WDR64: variants seen among roughly 807,000 people sequenced by gnomAD.
WDR64 encodes the protein WD repeat-containing protein 64.
Under a neutral mutation model 139.3 loss-of-function variants are expected in WDR64, and 112 were observed. The ratio of observed to expected loss-of-function variants is 0.80; its 90% CI spans 0.69 to 0.94. The LOEUF (loss-of-function observed/expected upper bound fraction) is 0.94, where lower values mean the gene tolerates loss of function less well. Among genes scored for constraint, WDR64 ranks in the 40% least tolerant of loss-of-function variants. WDR64 has a pLI of 0.00. For synonymous variants in WDR64, 444 were observed against 437.7 expected, an observed-to-expected ratio of 1.01 and a Z score of -0.18; for missense variants, 1,206 against 1,293.1, an observed-to-expected ratio of 0.93 and a Z score of 1.03.
chr1:241,658,015 T>A (rs150069364), intron 1 of WDR64, among the ~76,000 whole-genome samples: 6 of 152,334 alleles, frequency 3.9e-5, no homozygotes, highest in East Asian at 1.9e-4. Context: ...AATCTGTAAA[T>A]AGTTTGTTCA....
chr1:241,720,558 T>C (rs182947400), intron 9 of WDR64, among the ~76,000 whole-genome samples: 328 of 152,280 alleles, frequency 2.2e-3, no homozygotes, highest in African/African-American at 6.8e-3. Flanking sequence ...TGACCAACGA[T>C]GTTGAGTTTT....
At chr1:241,755,706 G>A (rs535512385) in intron 14 of WDR64, among the ~76,000 whole-genome samples, 3 of 152,298 alleles carry the variant, frequency 2.0e-5, no homozygotes, top group African/African-American at 7.2e-5. Flanking sequence ...TTACATTTAA[G>A]TCTTTAATCC....
At chr1:241,694,837 C>T (rs1355188767) in intron 8 of WDR64, among the ~76,000 whole-genome samples, 2 of 152,162 alleles carry the variant, frequency 1.3e-5, no homozygotes, top group Non-Finnish European at 2.9e-5. Context: ...TCATATATAG[C>T]TTTTAGTCCA....
rs181102907 is a variant in WDR64, at chr1:241,728,319, C to T, written c.1194+4883C>T. Among the ~76,000 whole-genome samples, 349 of 149,234 alleles carry T rather than the reference C, an allele frequency of 2.3e-3. 4 individuals are homozygous for T. Among genetic ancestry groups the T allele is most frequent in the African/African-American group, 8.3e-3 (332 of 40,094 alleles). On this transcript the variant is annotated intron_variant, in intron 10 of 27. Coordinates refer to ENST00000437684, the MANE Select transcript of WDR64 (RefSeq NM_001367482.1). ...CTGCACTCCAGCCTGGGCAATAGAGCGAGACTCAGTCTCAGAAAAGAAGAA... is the reference window on the plus strand; with the variant it reads ...CTGCACTCCAGCCTGGGCAATAGAGTGAGACTCAGTCTCAGAAAAGAAGAA...
At chr1:241,661,573 C>T (rs1665834396) in intron 2 of WDR64, among the ~76,000 whole-genome samples, 1 of 152,060 alleles carries the variant, frequency 6.6e-6, no homozygotes, top group Non-Finnish European at 1.5e-5. Flanking sequence ...GCTAAAATAA[C>T]ACTGAATTGA....
chr1:241,667,189 AAT>A (rs1232819444), intron 2 of WDR64, among the ~76,000 whole-genome samples: 2 of 152,262 alleles, frequency 1.3e-5, no homozygotes, highest in Non-Finnish European at 2.9e-5. Context: ...GGAATTCATT[AAT>A]GTAGAAACAA....
At chr1:241,679,923 C>T (rs77008493) in intron 6 of WDR64, among the ~76,000 whole-genome samples, 1 of 152,144 alleles carries the variant, frequency 6.6e-6, no homozygotes, top group East Asian at 1.9e-4. Flanking sequence ...TCTTTTCTCC[C>T]GAGTCCAGCT....
At chr1:241,790,727 G>A (rs573944036) in intron 25 of WDR64, 31 bp downstream of exon 25, 92 of 1,316,032 alleles carry the variant, frequency 7.0e-5, no homozygotes, top group Middle Eastern at 3.7e-4. Flanking sequence ...AAAAAGAAAT[G>A]GCAACAACAA....
chr1:241,762,331 G>A (rs1657952203), intron 15 of WDR64, among the ~76,000 whole-genome samples: 1 of 151,854 alleles, frequency 6.6e-6, no homozygotes, highest in Non-Finnish European at 1.5e-5. Context: ...TAAAGTAGCT[G>A]TATATGTTGA....
chr1:241,730,090 C>A (rs1669019954), intron 10 of WDR64, among the ~76,000 whole-genome samples: 1 of 152,078 alleles, frequency 6.6e-6, no homozygotes, highest in Non-Finnish European at 1.5e-5. Flanking sequence ...GAGTGGCCAT[C>A]TAGGAAGAAA....
At chr1:241,682,571 G>T (rs1272355350) in intron 6 of WDR64, among the ~76,000 whole-genome samples, 1 of 152,236 alleles carries the variant, frequency 6.6e-6, no homozygotes, top group Non-Finnish European at 1.5e-5. Context: ...GATGCCTCCA[G>T]ATTTGTTCTT....
At chr1:241,754,320 C>CTTTTTT (rs71174845) in intron 14 of WDR64, among the ~76,000 whole-genome samples, 34 of 81,840 alleles carry the variant, frequency 4.2e-4, no homozygotes, top group South Asian at 1.0e-3. Context: ...TTTTCTTTTT[C>CTTTTTT]TTTTTTTTTT....
intron 20 of WDR64, among the ~76,000 whole-genome samples, chr1:241,774,234 G>A (rs573389381): frequency 1.8e-4 from 28 of 152,264 alleles, no homozygotes; most frequent in Non-Finnish European, 2.8e-4. Context: ...CCAACAACAC[G>A]GAACCGCATG....
In WDR64 at chr1:241,679,974, C is replaced by T. The variant is rs115793371; in HGVS notation, c.624+379C>T. ...ATTACTAAAATCAAATGTCTAAGTC[C>T]GGCAAAAACATCTAATGAGGCAGCC... is the stretch of plus-strand genomic sequence containing the variant. On this transcript the variant is annotated intron_variant, in intron 6 of 27. Coordinates refer to ENST00000437684, the MANE Select transcript of WDR64 (RefSeq NM_001367482.1). 5.6e-3 allele frequency among the ~76,000 whole-genome samples: 855 copies of T among 152,166 alleles called. 7 individuals are homozygous for T. Among genetic ancestry groups the T allele is most frequent in the African/African-American group, 0.019 (805 of 41,512 alleles).
intron 23 of WDR64, among the ~76,000 whole-genome samples, chr1:241,787,170 C>T (rs150776052): frequency 0.025 from 3,657 of 146,490 alleles, 138 homozygotes; most frequent in African/African-American, 0.086. Context: ...CTGGCTAACA[C>T]GGTGAAACCC....
chr1:241,736,081 T>C (rs1669313324), intron 10 of WDR64, among the ~76,000 whole-genome samples: 1 of 152,142 alleles, frequency 6.6e-6, no homozygotes, highest in South Asian at 2.1e-4. Context: ...GAGCACAGCC[T>C]GTTGCTTTTC....
intron 23 of WDR64, among the ~76,000 whole-genome samples, chr1:241,783,786 T>C (rs1658936496): frequency 6.6e-6 from 1 of 152,204 alleles, no homozygotes; most frequent in Non-Finnish European, 1.5e-5. Flanking sequence ...GCTAATTATG[T>C]CATTGACTCT....
Position 241,760,100 on chromosome 1 carries a change from T to C in WDR64, c.1947+2641T>C, listed in dbSNP as rs553949122. ...TTCCATTGTTTGCATAGAACACATG[T>C]TGTTTACCCATTCATCCATCAATGG... On this transcript the variant is annotated intron_variant, in intron 15 of 27. Transcript: ENST00000437684. Among the ~76,000 whole-genome samples, 9 of 152,334 alleles carry C rather than the reference T, an allele frequency of 5.9e-5. No individual in the cohort carries two copies. In the East Asian group the frequency reaches 1.7e-3, roughly 29 times the overall value.
At position 241,769,419 on chromosome 1, in the gene WDR64, T is replaced by C. The variant is rs1185972405; in HGVS notation, c.2097T>C (p.Asp699=). The C allele has an allele frequency of 1.9e-6, 3 of 1,551,472 alleles. No homozygotes were observed. Among genetic ancestry groups the C allele is most frequent in the East Asian group, 4.9e-5 (2 of 40,914 alleles). ...STVKKVYRPE[D]CFTVNPDLHP... is the part of the protein sequence containing the mutation. ...TTACTTCTAGGTACCGACCTGAAGATTGCTTCACTGTAAACCCTGACTTGC... is the reference window on the plus strand; with the variant it reads ...TTACTTCTAGGTACCGACCTGAAGACTGCTTCACTGTAAACCCTGACTTGC... Residue 699 remains aspartate (D), a synonymous_variant, in exon 17 of 28, where the codon GAT becomes GAC. Transcript: ENST00000437684.
Sources: allele counts gnomAD v4.1 joint callset (sites outside exome capture counted in the v4.1 genomes callset), GRCh38; gene constraint gnomAD v4.1.1; transcripts MANE v1.5; gene names NCBI Gene and HGNC (gene_info 2026-07-23, HGNC 2026-07-21).